Variants in ARSG observed in about 807,000 individuals in gnomAD.
The protein encoded by ARSG is arylsulfatase G.
ARSG carries 37 observed loss-of-function variants against 50.5 expected under a neutral mutation model. The observed-to-expected ratio is 0.73, with a 90% CI of 0.56 to 0.96. The LOEUF (loss-of-function observed/expected upper bound fraction) is 0.96, where lower values mean the gene tolerates loss of function less well. ARSG is among the 50% of genes least tolerant of loss of function. ARSG has a pLI of 0.00. For missense variants in ARSG, 629 were observed against 675.3 expected, an observed-to-expected ratio of 0.93 and a Z score of 0.76; for synonymous variants, 225 against 254.6, an observed-to-expected ratio of 0.88 and a Z score of 1.11.
chr17:68,426,253 G>GGGGCCCCCCCCCC, downstream of ARSG: 3 of 841,018 alleles, frequency 3.6e-6, no homozygotes, highest in East Asian at 3.4e-5. Flanking sequence ...GGGGAGCGGG[G>GGGGCCCCCCCCCC]GCTCAAATAA....
the ARSG span, chr17:68,435,663 G>A: frequency 6.2e-7 from 1 of 1,614,246 alleles, no homozygotes; most frequent in South Asian, 1.1e-5. Context: ...GGCATTGAAG[G>A]TGATGGCAGC....
intron 2 of ARSG, among the ~76,000 whole-genome samples, chr17:68,320,730 G>A (rs1427311574): frequency 6.6e-6 from 1 of 152,088 alleles, no homozygotes; most frequent in African/African-American, 2.4e-5. Context: ...ATTTGAGATG[G>A]GATTTTCCAG....
At chr17:68,426,251 G>GGGGGGGGGC, downstream of ARSG, 1 of 825,460 alleles carries the variant, frequency 1.2e-6, no homozygotes, top group Non-Finnish European at 1.9e-6. Context: ...GTGGGGAGCG[G>GGGGGGGGGC]GGGCTCAAAT....
intron 2 of ARSG, among the ~76,000 whole-genome samples, chr17:68,336,581 A>T (rs1204159049): frequency 6.6e-6 from 1 of 152,022 alleles, no homozygotes; most frequent in Non-Finnish European, 1.5e-5. Context: ...GGTTGGGCAC[A>T]GTGGCTCATG....
intron 1 of ARSG, among the ~76,000 whole-genome samples, chr17:68,294,526 C>G (rs1265687152): frequency 6.6e-6 from 1 of 152,140 alleles, no homozygotes; most frequent in Non-Finnish European, 1.5e-5. Context: ...CGCAAGCCTG[C>G]TTTTGGGGGC....
At chr17:68,278,675 A>G (rs532340725) in intron 1 of ARSG, among the ~76,000 whole-genome samples, 3 of 129,986 alleles carry the variant, frequency 2.3e-5, no homozygotes, top group Admixed American at 9.2e-5. Context: ...GCTGCAGTGT[A>G]GTTGTGTGAT....
At chr17:68,331,241 C>CTTTCTTTGTTTG (rs2077749685) in intron 2 of ARSG, among the ~76,000 whole-genome samples, 1 of 82,546 alleles carries the variant, frequency 1.2e-5, no homozygotes, top group Non-Finnish European at 2.7e-5. Flanking sequence ...TTGTTTCTTT[C>CTTTCTTTGTTTG]TTTCTTTCTT....
At chr17:68,426,172 T>C (rs2083161670), downstream of ARSG, 1 of 1,563,758 alleles carries the variant, frequency 6.4e-7, no homozygotes, top group African/African-American at 1.4e-5. Flanking sequence ...GTCCTCAGAA[T>C]AACCTGGAAA....
rs182022166 is a variant in ARSG at position 68,368,914 on chromosome 17, T to C, written c.901+170T>C. ...GGCCTGAATGCTGAGCACCTGTCCATTGGGGCCTCCAAGGCCAAGTCCCTG... is the reference window on the plus strand; with the variant it reads ...GGCCTGAATGCTGAGCACCTGTCCACTGGGGCCTCCAAGGCCAAGTCCCTG... On this transcript the variant is annotated intron_variant, in intron 7 of 11. Coordinates refer to ENST00000621439, the MANE Select transcript of ARSG (RefSeq NM_001267727.2). 1.4e-4 allele frequency among the ~76,000 whole-genome samples: 22 copies of C among 152,322 alleles called. 1 individual carries two copies. Among genetic ancestry groups the C allele is most frequent in the South Asian group, 1.0e-3 (5 of 4,826 alleles).
chr17:68,440,535 CT>C, the ARSG span, among the ~76,000 whole-genome samples: 2 of 152,152 alleles, frequency 1.3e-5, no homozygotes, highest in Non-Finnish European at 2.9e-5. Flanking sequence ...AACCCAGAGG[CT>C]TTTCACTGTT....
chr17:68,285,934 T>C (rs1194483105), intron 1 of ARSG, among the ~76,000 whole-genome samples: 1 of 152,120 alleles, frequency 6.6e-6, no homozygotes, highest in Admixed American at 6.5e-5. Context: ...TAATTTGTTG[T>C]ATTTTTAGTA....
At chr17:68,427,117 G>A, downstream of ARSG, 2 of 1,597,436 alleles carry the variant, frequency 1.3e-6, no homozygotes, top group African/African-American at 2.7e-5. Context: ...CTCCCCTGTT[G>A]GCCCCGTGTC....
chr17:68,297,594 C>A (rs1367874902), intron 1 of ARSG, among the ~76,000 whole-genome samples: 1 of 152,142 alleles, frequency 6.6e-6, no homozygotes, highest in African/African-American at 2.4e-5. Context: ...GCCATCTATA[C>A]TCAGAATAGT....
chr17:68,438,703 C>T, the ARSG span, among the ~76,000 whole-genome samples: 3 of 152,200 alleles, frequency 2.0e-5, no homozygotes, highest in Admixed American at 6.5e-5. Context: ...TTGGTTCAAG[C>T]GATTCTCCTG....
In ARSG at chr17:68,278,376, C is replaced by T. The variant is rs189461121; in HGVS notation, c.-552+18950C>T. 63 of 1,215,002 alleles carry T rather than the reference C, an allele frequency of 5.2e-5. No homozygotes were observed. In the East Asian group the frequency reaches 6.0e-4, roughly 12 times the overall value. The allele number at this position is 1,215,002 out of a possible 1,614,324, so 75.3% of individuals were successfully genotyped here. A position where few individuals can be genotyped will look rare whatever the true frequency, so the allele number is the denominator to read the frequency against. On this transcript the variant is annotated intron_variant, in intron 1 of 11. Transcript: ENST00000448504. ...TTCAGATCAGCAATAGCATGAGGAT[C>T]GATGATTCTCATACTCTTAAGCAAA...
intron 1 of ARSG, among the ~76,000 whole-genome samples, chr17:68,292,058 C>A (rs147069137): frequency 8.8e-4 from 134 of 152,200 alleles, no homozygotes; most frequent in African/African-American, 3.1e-3. Flanking sequence ...AGTTCCCCTT[C>A]CGGCAGTGGG....
the ARSG span, among the ~76,000 whole-genome samples, chr17:68,442,021 C>A: frequency 6.6e-6 from 1 of 152,158 alleles, no homozygotes; most frequent in Admixed American, 6.5e-5. Flanking sequence ...AATCGATTCC[C>A]TTTACAAACA....
At chr17:68,285,552 T>A (rs2075822090) in intron 1 of ARSG, 1 of 152,204 alleles carries the variant, frequency 6.6e-6, no homozygotes, top group Non-Finnish European at 1.5e-5. Context: ...CACCTGTGCT[T>A]CCAGCTACTC....
chr17:68,420,539 C>CT lies in ARSG; in HGVS notation c.*79dup. 1 of 1,491,832 alleles carries CT rather than the reference C, an allele frequency of 6.7e-7. No individual in the cohort carries two copies. Among genetic ancestry groups the CT allele is most frequent in the Non-Finnish European group, 9.2e-7 (1 of 1,086,004 alleles). The allele number at this position is 1,491,832 out of a possible 1,614,324, so 92.4% of individuals were successfully genotyped here. ...TGCTTCCAAATTTCATTTTTACCCT[C>CT]TTTACAAACACACGCTTTAGTTTAG... On this transcript the variant is annotated 3_prime_UTR_variant, in exon 12 of 12. Transcript: ENST00000621439.
Sources: gnomAD v4.1 joint callset for allele counts (sites outside exome capture counted in the v4.1 genomes callset) on GRCh38, gnomAD v4.1.1 for gene constraint, MANE v1.5 for transcripts, NCBI Gene and HGNC (gene_info 2026-07-23, HGNC 2026-07-21) for gene names.